Variants in CDC73 observed in about 807,000 individuals in gnomAD.
The protein encoded by CDC73 is cell division cycle 73.
CDC73 carries 21 observed loss-of-function variants against 83.7 expected under a neutral mutation model. The observed-to-expected ratio is 0.25, with a 90% CI of 0.18 to 0.36. The LOEUF (loss-of-function observed/expected upper bound fraction) is 0.36. Among genes scored for constraint, CDC73 ranks in the 10% least tolerant of loss-of-function variants. CDC73 has a pLI of 1.00. For missense variants in CDC73, 342 were observed against 653.3 expected, an observed-to-expected ratio of 0.52 and a Z score of 5.19; for synonymous variants, 224 against 212.9, an observed-to-expected ratio of 1.05 and a Z score of -0.45.
intron 10 of CDC73, among the ~76,000 whole-genome samples, chr1:193,183,041 A>G (rs1676745024): frequency 6.6e-6 from 1 of 152,052 alleles, no homozygotes; most frequent in South Asian, 2.1e-4. Context: ...CATGGTTAAT[A>G]TTAAATTTGT....
chr1:193,135,474 A>G, intron 4 of CDC73, 21 bp downstream of exon 4: 1 of 1,610,762 alleles, frequency 6.2e-7, no homozygotes, highest in Non-Finnish European at 8.5e-7. Context: ...TTGCATATTT[A>G]TATTGAACTT....
At chr1:193,170,041 A>G (rs1676494356) in intron 10 of CDC73, among the ~76,000 whole-genome samples, 1 of 152,024 alleles carries the variant, frequency 6.6e-6, no homozygotes, top group African/African-American at 2.4e-5. Context: ...ACGTGAGAAC[A>G]TGTGGTATTT....
chr1:193,247,052 G>A (rs1033456164), intron 15 of CDC73, among the ~76,000 whole-genome samples: 1 of 152,104 alleles, frequency 6.6e-6, no homozygotes, highest in Non-Finnish European at 1.5e-5. Context: ...GAATTTGTGC[G>A]TGTAAGGTAC....
Position 193,251,378 on chromosome 1 carries a change from G to A in CDC73, c.*666G>A, listed in dbSNP as rs577404748. The stretch of plus-strand genomic sequence containing the variant: ...AACCTAGAATGATGTGTTTCTATCT[G>A]TAATATCTTTCCATTTGAAAAAAAT... On this transcript the variant is annotated 3_prime_UTR_variant, in exon 17 of 17. Coordinates refer to ENST00000367435, the MANE Select transcript of CDC73 (RefSeq NM_024529.5). 1 of 231,870 alleles carries A rather than the reference G, an allele frequency of 4.3e-6. No individual in the cohort carries two copies. The highest frequency in any genetic ancestry group is 1.8e-4 in the South Asian group (1 of 5,510). 14.4% of individuals were successfully genotyped at this position (231,870 alleles called of 1,614,324 possible). A position where few individuals can be genotyped will look rare whatever the true frequency, so the allele number is the denominator to read the frequency against.
intron 11 of CDC73, among the ~76,000 whole-genome samples, chr1:193,208,432 C>T (rs1295872113): frequency 2.0e-5 from 3 of 152,140 alleles, no homozygotes; most frequent in African/African-American, 7.2e-5. Flanking sequence ...TCTAGAAATT[C>T]ATTGCTATTA....
intron 15 of CDC73, among the ~76,000 whole-genome samples, chr1:193,241,219 A>T (rs1220030692): frequency 6.6e-6 from 1 of 152,156 alleles, no homozygotes; most frequent in African/African-American, 2.4e-5. Flanking sequence ...TGGGTGGGGC[A>T]CTTTGGCTTT....
chr1:193,188,348 T>C (rs1005214806), intron 10 of CDC73, among the ~76,000 whole-genome samples: 1 of 152,176 alleles, frequency 6.6e-6, no homozygotes, highest in Non-Finnish European at 1.5e-5. Flanking sequence ...ATTCTTATCC[T>C]CTGTGTTTTT....
chr1:193,197,226 G>A (rs1446520564), intron 10 of CDC73, among the ~76,000 whole-genome samples: 1 of 152,036 alleles, frequency 6.6e-6, no homozygotes, highest in African/African-American at 2.4e-5. Flanking sequence ...TTAATGTGGT[G>A]TATTATTAAA....
chr1:193,214,300 C>T (rs934906134), intron 13 of CDC73, among the ~76,000 whole-genome samples: 1 of 152,140 alleles, frequency 6.6e-6, no homozygotes, highest in Non-Finnish European at 1.5e-5. Context: ...AGTTCCCGTT[C>T]CAATAATGCA....
At chr1:193,122,422 C>T (rs951228820) in intron 1 of CDC73, 91 bp downstream of exon 1, 24 of 1,531,162 alleles carry the variant, frequency 1.6e-5, no homozygotes, top group Admixed American at 3.4e-5. Context: ...CCCGTTTCCC[C>T]TGGGGATGGG....
chr1:193,188,253 G>A (rs1006909489), intron 10 of CDC73, among the ~76,000 whole-genome samples: 1 of 152,124 alleles, frequency 6.6e-6, no homozygotes, highest in Non-Finnish European at 1.5e-5. Context: ...CAGAACCAGT[G>A]CCTGGAGTTG....
intron 7 of CDC73, among the ~76,000 whole-genome samples, chr1:193,143,935 C>T (rs1675949216): frequency 6.6e-6 from 1 of 151,792 alleles, no homozygotes; most frequent in South Asian, 2.1e-4. Flanking sequence ...CATGGTGAAA[C>T]CCTGTCTCTA....
At chr1:193,173,604 C>A (rs1008524401) in intron 10 of CDC73, among the ~76,000 whole-genome samples, 5 of 152,120 alleles carry the variant, frequency 3.3e-5, no homozygotes, top group African/African-American at 1.2e-4. Context: ...AAACAAGCAC[C>A]ATAAATTGCG....
intron 15 of CDC73, 30 bp downstream of exon 15, chr1:193,236,386 A>G: frequency 6.1e-6 from 8 of 1,318,380 alleles, no homozygotes; most frequent in Non-Finnish European, 8.8e-6. Context: ...TACTGTATCC[A>G]GTATAGAAAT....
At chr1:193,160,719 ATT>A (rs1480047420) in intron 10 of CDC73, among the ~76,000 whole-genome samples, 1 of 151,832 alleles carries the variant, frequency 6.6e-6, no homozygotes, top group Non-Finnish European at 1.5e-5. Flanking sequence ...TATTTTCTGT[ATT>A]TCTCTTTATT....
intron 13 of CDC73, among the ~76,000 whole-genome samples, chr1:193,214,016 A>G (rs889997695): frequency 2.0e-5 from 3 of 152,144 alleles, no homozygotes; most frequent in Non-Finnish European, 4.4e-5. Context: ...CTTCCCCGAC[A>G]TTTGATTGGA....
intron 15 of CDC73, among the ~76,000 whole-genome samples, chr1:193,239,171 T>C (rs1421558485): frequency 1.3e-5 from 2 of 152,158 alleles, no homozygotes; most frequent in African/African-American, 4.8e-5. Flanking sequence ...CTCAACCTTT[T>C]CCAAATGGAA....
intron 10 of CDC73, among the ~76,000 whole-genome samples, chr1:193,195,152 T>C (rs1676981127): frequency 6.6e-6 from 1 of 152,114 alleles, no homozygotes; most frequent in Non-Finnish European, 1.5e-5. Flanking sequence ...CAGACCATCA[T>C]TGAATTTGAT....
intron 1 of CDC73, chr1:193,122,619 G>C: frequency 2.6e-6 from 1 of 391,220 alleles, no homozygotes; most frequent in African/African-American, 2.0e-5. Flanking sequence ...ATGTGTACCA[G>C]CGAAGTGTGG....
Sources: gnomAD v4.1 joint callset for allele counts (sites outside exome capture counted in the v4.1 genomes callset) on GRCh38, gnomAD v4.1.1 for gene constraint, MANE v1.5 for transcripts, NCBI Gene and HGNC (gene_info 2026-07-23, HGNC 2026-07-21) for gene names.